The following CALN1 variants were observed in gnomAD, a reference collection of about 807,000 sequenced individuals.
The protein encoded by CALN1 is calcium-binding protein 8.
In CALN1, 17 loss-of-function variants were observed where a neutral mutation model predicts 30.6. The ratio of observed to expected loss-of-function variants is 0.56; its 90% CI spans 0.38 to 0.83. The LOEUF (loss-of-function observed/expected upper bound fraction) is 0.83, where lower values mean the gene tolerates loss of function less well. Among genes scored for constraint, CALN1 ranks in the 40% least tolerant of loss-of-function variants. The probability of loss-of-function intolerance (pLI) is 0.00; values close to 1 mark genes in which losing one functional copy is unlikely to be tolerated. For synonymous variants in CALN1, 156 were observed against 131.4 expected (o/e 1.19, Z -1.28); for missense variants, 291 against 354.9 (o/e 0.82, Z 1.45).
chr7:72,261,983 G>A (rs1796300007), intron 3 of CALN1, among the ~76,000 whole-genome samples: 3 of 152,200 alleles, frequency 2.0e-5, no homozygotes, highest in Admixed American at 6.5e-5. Flanking sequence ...AACACGGATG[G>A]TTGGGCTCTT....
chr7:72,010,338 T>C (rs1269628805), intron 5 of CALN1, among the ~76,000 whole-genome samples: 2 of 152,156 alleles, frequency 1.3e-5, no homozygotes, highest in East Asian at 1.9e-4. Flanking sequence ...CAGAACCTTC[T>C]AGAACTGTAA....
At chr7:72,470,768 A>T in the CALN1 span, among the ~76,000 whole-genome samples, 1 of 152,218 alleles carries the variant, frequency 6.6e-6, no homozygotes, top group Non-Finnish European at 1.5e-5. Flanking sequence ...TGTTTTTGGC[A>T]GAACACGTGA....
intron 4 of CALN1, among the ~76,000 whole-genome samples, chr7:72,055,397 A>G (rs1200573380): frequency 6.6e-6 from 1 of 152,242 alleles, no homozygotes; most frequent in African/African-American, 2.4e-5. Context: ...ATTAAAACTT[A>G]GAAAAGTTAA....
intron 2 of CALN1, among the ~76,000 whole-genome samples, chr7:72,285,011 T>C (rs777426978): frequency 1.3e-5 from 2 of 152,066 alleles, no homozygotes; most frequent in Non-Finnish European, 2.9e-5. Context: ...AAGCCCTGTG[T>C]GTTCTGCAGG....
intron 2 of CALN1, among the ~76,000 whole-genome samples, chr7:72,281,051 G>T (rs1240528371): frequency 6.6e-6 from 1 of 151,892 alleles, no homozygotes; most frequent in Non-Finnish European, 1.5e-5. Context: ...TACTGAGGCA[G>T]AAGAATTGCT....
intron 3 of CALN1, among the ~76,000 whole-genome samples, chr7:72,111,131 G>T (rs1282465903): frequency 6.6e-6 from 1 of 152,202 alleles, no homozygotes; most frequent in African/African-American, 2.4e-5. Context: ...TCCATCTCAT[G>T]CAACACGTGC....
chr7:72,275,628 TCAC>T (rs1325242153), intron 3 of CALN1, among the ~76,000 whole-genome samples: 1 of 152,102 alleles, frequency 6.6e-6, no homozygotes, highest in Non-Finnish European at 1.5e-5. Flanking sequence ...CACAGCATCT[TCAC>T]CAGCCAATCT....
intron 6 of CALN1, among the ~76,000 whole-genome samples, chr7:71,789,731 C>T (rs1367948286): frequency 2.6e-5 from 4 of 152,058 alleles, no homozygotes; most frequent in Non-Finnish European, 4.4e-5. Context: ...ATTTTTATAA[C>T]GCCCATGAGA....
At chr7:71,966,383 T>G (rs1797532200) in intron 5 of CALN1, among the ~76,000 whole-genome samples, 1 of 152,180 alleles carries the variant, frequency 6.6e-6, no homozygotes, top group South Asian at 2.1e-4. Context: ...TCCTCAGTGA[T>G]GGAGGTGGGG....
At chr7:71,976,494 G>A (rs935727303) in intron 5 of CALN1, among the ~76,000 whole-genome samples, 21 of 152,174 alleles carry the variant, frequency 1.4e-4, no homozygotes, top group African/African-American at 5.1e-4. Context: ...ACTCTTGCAC[G>A]GAACCCTAGC....
chr7:71,946,192 C>T (rs997189445), intron 5 of CALN1, among the ~76,000 whole-genome samples: 1 of 151,870 alleles, frequency 6.6e-6, no homozygotes, highest in Non-Finnish European at 1.5e-5. Context: ...AAGAACATAA[C>T]AAGAAAAAAA....
intron 1 of CALN1, among the ~76,000 whole-genome samples, chr7:72,426,748 T>C (rs1807810066): frequency 1.3e-5 from 2 of 152,314 alleles, no homozygotes; most frequent in South Asian, 4.1e-4. Flanking sequence ...AGGAGTGGTC[T>C]CTTAGGAAGC....
At chr7:72,040,209 T>C (rs1802040377) in intron 4 of CALN1, among the ~76,000 whole-genome samples, 1 of 152,124 alleles carries the variant, frequency 6.6e-6, no homozygotes, top group Admixed American at 6.5e-5. Context: ...CATGGGTGGT[T>C]CATGCTTGTA....
At chr7:72,304,328 T>A (rs1437874253) in intron 2 of CALN1, among the ~76,000 whole-genome samples, 1 of 152,184 alleles carries the variant, frequency 6.6e-6, no homozygotes, top group African/African-American at 2.4e-5. Flanking sequence ...TTCAAGTGGA[T>A]GCTCAAAACC....
chr7:72,203,187 G>C (rs570987595), intron 3 of CALN1, among the ~76,000 whole-genome samples: 127 of 152,150 alleles, frequency 8.3e-4, no homozygotes, highest in African/African-American at 2.4e-3. Context: ...GGCCTGTCGG[G>C]GGGTGAGGGC....
chr7:72,124,213 TGGTAAAGG>T (rs1808585856), intron 3 of CALN1, among the ~76,000 whole-genome samples: 1 of 152,094 alleles, frequency 6.6e-6, no homozygotes, highest in South Asian at 2.1e-4. Context: ...GTAAATAGTG[TGGTAAAGG>T]TAACACTGCA....
At chr7:71,817,564 G>A (rs1788338089) in intron 5 of CALN1, among the ~76,000 whole-genome samples, 1 of 152,170 alleles carries the variant, frequency 6.6e-6, no homozygotes, top group African/African-American at 2.4e-5. Flanking sequence ...CGCCCAGGCT[G>A]GAGTGCAGTG....
At chr7:72,358,424 G>A (rs546298129) in intron 2 of CALN1, among the ~76,000 whole-genome samples, 1 of 150,364 alleles carries the variant, frequency 6.7e-6, no homozygotes, top group South Asian at 2.1e-4. Flanking sequence ...CAATCCTCTT[G>A]TTCTCTCTCC....
chr7:71,815,529 A>G (rs1357600914), intron 5 of CALN1, among the ~76,000 whole-genome samples: 1 of 152,106 alleles, frequency 6.6e-6, no homozygotes, highest in Non-Finnish European at 1.5e-5. Flanking sequence ...ATCCTCAACC[A>G]TCCCACAAAG....
Sources: gnomAD v4.1 joint callset for allele counts (sites outside exome capture counted in the v4.1 genomes callset) on GRCh38, gnomAD v4.1.1 for gene constraint, MANE v1.5 for transcripts, NCBI Gene and HGNC (gene_info 2026-07-23, HGNC 2026-07-21) for gene names.